DCHS2: variants seen among roughly 807,000 people sequenced by gnomAD.
The protein encoded by DCHS2 is protocadherin-23.
In DCHS2, 142 loss-of-function variants were observed where a neutral mutation model predicts 182.4. The ratio of observed to expected loss-of-function variants is 0.78; its 90% CI spans 0.68 to 0.89. The LOEUF (loss-of-function observed/expected upper bound fraction) is 0.89. Ranked by LOEUF, DCHS2 falls within the 40% of genes least tolerant of loss-of-function variation. DCHS2 has a pLI of 0.00. For synonymous variants in DCHS2, 1,740 were observed against 1,663.3 expected (o/e 1.05, Z -1.12); for missense variants, 4,319 against 4,198.6 (o/e 1.03, Z -0.79).
intron 1 of DCHS2, among the ~76,000 whole-genome samples, chr4:154,383,737 T>G (rs1731272971): frequency 6.6e-6 from 1 of 151,958 alleles, no homozygotes; most frequent in Non-Finnish European, 1.5e-5. Flanking sequence ...TCAGCCAGAC[T>G]CCACCCAAAA....
At chr4:154,393,738 G>A (rs527516120) in intron 1 of DCHS2, among the ~76,000 whole-genome samples, 1 of 152,180 alleles carries the variant, frequency 6.6e-6, no homozygotes, top group Admixed American at 6.5e-5. Flanking sequence ...CCATGATCCT[G>A]AAGTCTAAGA....
chr4:154,349,231 C>T (rs1008841986), intron 3 of DCHS2, among the ~76,000 whole-genome samples: 1 of 150,056 alleles, frequency 6.7e-6, no homozygotes, highest in Admixed American at 6.6e-5. Context: ...AACAAAAAGT[C>T]ATTTCACAGT....
chr4:154,464,604 C>T (rs986419651), intron 1 of DCHS2, among the ~76,000 whole-genome samples: 6 of 152,174 alleles, frequency 3.9e-5, no homozygotes, highest in African/African-American at 1.4e-4. Flanking sequence ...ATTAAAGGCA[C>T]ACAGATCTCT....
intron 1 of DCHS2, among the ~76,000 whole-genome samples, chr4:154,417,204 TGAGAGAGAGAGAGAGAGAGA>T (rs70947163): frequency 1.3e-4 from 5 of 39,476 alleles, no homozygotes; most frequent in Admixed American, 7.1e-4. Context: ...TGTGTGTGTG[TGAGAGAGAGAGAGAGAGAGA>T]GAGAGAGAGA....
Position 154,234,371 on chromosome 4 carries a change from G to A in DCHS2, c.*165C>T, listed in dbSNP as rs528018312. 1.9e-5 allele frequency: 18 copies of A among 969,428 alleles called. No homozygotes were observed. The Admixed American group carries it at 1.9e-4, about 10-fold the overall frequency. The allele number at this position is 969,428 out of a possible 1,614,324, so 60.1% of individuals were successfully genotyped here. A position where few individuals can be genotyped will look rare whatever the true frequency, so the allele number is the denominator to read the frequency against. On this transcript the variant is annotated 3_prime_UTR_variant, in exon 20 of 20. Transcript: ENST00000357232. The stretch of plus-strand genomic sequence containing the variant: ...GAGGAAATAACTTTTCATTAAGGCT[G>A]GAAGAAATTGGAGAAACTTTAATGG...
intron 3 of DCHS2, among the ~76,000 whole-genome samples, chr4:154,357,520 G>A (rs1561065289): frequency 6.6e-6 from 1 of 152,112 alleles, no homozygotes; most frequent in South Asian, 2.1e-4. Context: ...CTGCAACCTT[G>A]GTGTTATCAG....
chr4:154,446,617 G>A (rs372750755), intron 1 of DCHS2, among the ~76,000 whole-genome samples: 2 of 152,180 alleles, frequency 1.3e-5, no homozygotes, highest in East Asian at 3.8e-4. Context: ...TATACAGAGA[G>A]TAAGGGATTG....
chr4:154,288,531 A>AATATTGAAC (rs1734510953), intron 13 of DCHS2, among the ~76,000 whole-genome samples: 1 of 152,136 alleles, frequency 6.6e-6, no homozygotes, highest in African/African-American at 2.4e-5. Context: ...TCAACAAGGA[A>AATATTGAAC]ATATTGAACT....
intron 1 of DCHS2, among the ~76,000 whole-genome samples, chr4:154,389,414 C>T (rs549429124): frequency 5.3e-5 from 8 of 150,488 alleles, no homozygotes; most frequent in African/African-American, 1.9e-4. Flanking sequence ...CAGTCCAGTG[C>T]ATATCAGGGG....
intron 3 of DCHS2, among the ~76,000 whole-genome samples, chr4:154,354,992 AT>A (rs1431806345): frequency 1.3e-5 from 2 of 152,154 alleles, no homozygotes; most frequent in Non-Finnish European, 2.9e-5. Context: ...CCATCAACCA[AT>A]TAAAATTCCT....
intron 1 of DCHS2, among the ~76,000 whole-genome samples, chr4:154,435,687 TATCC>T (rs1261857209): frequency 6.6e-6 from 1 of 152,112 alleles, no homozygotes; most frequent in African/African-American, 2.4e-5. Flanking sequence ...ACAGATTTTA[TATCC>T]TCTCATTTAC....
In DCHS2 at chr4:154,270,018, A is replaced by G. The variant is rs763710052; in HGVS notation, c.6464-5T>C. 12 of 1,590,020 alleles carry G rather than the reference A, an allele frequency of 7.5e-6. No individual in the cohort carries two copies. In the Admixed American group the frequency reaches 1.7e-4, roughly 23 times the overall value. ...TAACAGTCACAATAGAAGTACCTGT[A>G]AAAATTAGGTAAAAAAAGAACTCCA... On this transcript the variant is annotated splice_region_variant and splice_polypyrimidine_tract_variant and intron_variant, in intron 13 of 19. Transcript: ENST00000357232.
intron 17 of DCHS2, among the ~76,000 whole-genome samples, chr4:154,241,366 A>AAAATT (rs1258139330): frequency 6.6e-6 from 1 of 152,122 alleles, no homozygotes; most frequent in African/African-American, 2.4e-5. Context: ...TCTGACTCTC[A>AAAATT]AAATTATTAA....
chr4:154,294,869 A>C (rs971156698), intron 13 of DCHS2, among the ~76,000 whole-genome samples: 1 of 152,236 alleles, frequency 6.6e-6, no homozygotes, highest in African/African-American at 2.4e-5. Flanking sequence ...AGAGTAATGT[A>C]GGCTGATGAC....
intron 13 of DCHS2, among the ~76,000 whole-genome samples, chr4:154,294,419 C>A (rs1474011460): frequency 6.6e-6 from 1 of 152,118 alleles, no homozygotes; most frequent in African/African-American, 2.4e-5. Context: ...CTGATATGCA[C>A]ACAAAATTAG....
At chr4:154,346,347 C>T (rs560628275) in intron 3 of DCHS2, among the ~76,000 whole-genome samples, 3 of 152,280 alleles carry the variant, frequency 2.0e-5, no homozygotes, top group African/African-American at 4.8e-5. Flanking sequence ...TACAAAGATG[C>T]TAGTCTACTT....
intron 16 of DCHS2, among the ~76,000 whole-genome samples, chr4:154,254,925 T>C (rs1232847292): frequency 6.6e-6 from 1 of 152,212 alleles, no homozygotes; most frequent in Non-Finnish European, 1.5e-5. Flanking sequence ...GTAGCACTGA[T>C]TTTTTTAAAC....
intron 1 of DCHS2, among the ~76,000 whole-genome samples, chr4:154,444,500 T>G (rs1734180876): frequency 6.6e-6 from 1 of 152,132 alleles, no homozygotes; most frequent in Non-Finnish European, 1.5e-5. Context: ...GAACATATCC[T>G]GAATCTGATT....
At chr4:154,382,316 T>C (rs999970009) in intron 1 of DCHS2, among the ~76,000 whole-genome samples, 1 of 152,100 alleles carries the variant, frequency 6.6e-6, no homozygotes, top group Non-Finnish European at 1.5e-5. Context: ...TTAATTTTAA[T>C]ACACAATAAT....
Sources: allele counts gnomAD v4.1 joint callset (sites outside exome capture counted in the v4.1 genomes callset), GRCh38; gene constraint gnomAD v4.1.1; transcripts MANE v1.5; gene names NCBI Gene and HGNC (gene_info 2026-07-23, HGNC 2026-07-21).